The following PLOD2 variants were observed in gnomAD, a reference collection of about 807,000 sequenced individuals.
PLOD2 encodes lysine hydroxylase 2.
PLOD2 carries 65 observed loss-of-function variants against 101.0 expected under a neutral mutation model. That is an observed-to-expected ratio of 0.64 (90% CI 0.53 to 0.79). The LOEUF (loss-of-function observed/expected upper bound fraction) is 0.79. PLOD2 is among the 30% of genes least tolerant of loss of function. PLOD2 has a pLI of 0.00. For missense variants in PLOD2, 909 were observed against 914.6 expected, an observed-to-expected ratio of 0.99 and a Z score of 0.08; for synonymous variants, 314 against 302.9, an observed-to-expected ratio of 1.04 and a Z score of -0.38.
chr3:146,096,816 G>C (rs1334372202), intron 7 of PLOD2, among the ~76,000 whole-genome samples: 11 of 137,628 alleles, frequency 8.0e-5, no homozygotes, highest in Non-Finnish European at 1.7e-4. Flanking sequence ...TCCTCTGCCC[G>C]GCCGCCCCTA....
chr3:146,096,881 G>A (rs1270327574), intron 7 of PLOD2, among the ~76,000 whole-genome samples: 3 of 72,282 alleles, frequency 4.2e-5, no homozygotes, highest in Non-Finnish European at 8.8e-5. Flanking sequence ...GGAGGGAGGT[G>A]GGGGGGGGGA....
chr3:146,097,842 CAT>C (rs1436347396), intron 7 of PLOD2, among the ~76,000 whole-genome samples: 1 of 149,792 alleles, frequency 6.7e-6, no homozygotes, highest in Non-Finnish European at 1.5e-5. Flanking sequence ...GAAAATGTGG[CAT>C]ATATACACCA....
intron 1 of PLOD2, among the ~76,000 whole-genome samples, chr3:146,128,375 T>C (rs1384964331): frequency 2.0e-5 from 3 of 152,110 alleles, no homozygotes; most frequent in Non-Finnish European, 2.9e-5. Flanking sequence ...GTAACCTCTA[T>C]TGCCACCTTT....
chr3:146,100,043 G>A (rs1016636320), intron 7 of PLOD2, among the ~76,000 whole-genome samples: 2 of 151,782 alleles, frequency 1.3e-5, no homozygotes, highest in South Asian at 2.1e-4. Context: ...CACCAACCCC[G>A]GCTAATTTTG....
chr3:146,159,145 T>G (rs2032445818), intron 1 of PLOD2, among the ~76,000 whole-genome samples: 1 of 152,190 alleles, frequency 6.6e-6, no homozygotes, highest in South Asian at 2.1e-4. Context: ...CTATCACAAA[T>G]TAGTATTTTC....
Position 146,091,862 on chromosome 3 carries a change from A to G in PLOD2, c.817T>C (p.Trp273Arg). Reference sequence around the variant, plus strand: ...AGAGTGCAGCCATTATCCTGTGTCCATGAATTGGGTACATAGTTTCCAAAA... The same window carrying G: ...AGAGTGCAGCCATTATCCTGTGTCCGTGAATTGGGTACATAGTTTCCAAAA... ...NYFGNYVPNSWTQDNGCTLCE... is the reference protein window; with the variant it reads ...NYFGNYVPNSRTQDNGCTLCE... Residue 273 changes from tryptophan (W) to arginine (R), a missense_variant, in exon 8 of 20, where the codon TGG (tryptophan) becomes CGG (arginine). Coordinates refer to ENST00000282903, the MANE Select transcript of PLOD2 (RefSeq NM_182943.3). The G allele has an allele frequency of 6.2e-7, 1 of 1,606,772 alleles. No homozygotes were observed. The highest frequency in any genetic ancestry group is 1.1e-5 in the South Asian group (1 of 90,936).
rs1576597072 is a variant in PLOD2, at chr3:146,104,354, G to A, written c.616-12C>T. On this transcript the variant is annotated splice_polypyrimidine_tract_variant and intron_variant, in intron 5 of 19. Coordinates refer to ENST00000282903, the MANE Select transcript of PLOD2 (RefSeq NM_182943.3). ...ATGTTAATAGCTTCCTAAAACATAAGAATAGAAATGATATTGAAAATGACA... is the reference window on the plus strand; with the variant it reads ...ATGTTAATAGCTTCCTAAAACATAAAAATAGAAATGATATTGAAAATGACA... The A allele has an allele frequency of 2.2e-6, 3 of 1,335,986 alleles. No homozygotes were observed. Among genetic ancestry groups the A allele is most frequent in the Non-Finnish European group, 3.2e-6 (3 of 926,736 alleles). 82.8% of individuals were successfully genotyped at this position (1,335,986 alleles called of 1,614,324 possible). A position where few individuals can be genotyped will look rare whatever the true frequency, so the allele number is the denominator to read the frequency against.
chr3:146,134,143 A>C (rs2031092159), intron 1 of PLOD2, among the ~76,000 whole-genome samples: 1 of 152,222 alleles, frequency 6.6e-6, no homozygotes, highest in South Asian at 2.1e-4. Context: ...TTTTCTCTAT[A>C]TGATTTTAGT....
intron 1 of PLOD2, among the ~76,000 whole-genome samples, chr3:146,126,686 G>T (rs895930): frequency 1.3e-5 from 2 of 151,916 alleles, no homozygotes; most frequent in African/African-American, 4.8e-5. Context: ...TGTTAGTCAC[G>T]GACCTGAGTT....
intron 7 of PLOD2, among the ~76,000 whole-genome samples, chr3:146,092,485 G>GAA (rs1286974203): frequency 6.6e-6 from 1 of 152,074 alleles, no homozygotes; most frequent in Non-Finnish European, 1.5e-5. Flanking sequence ...CAGGAAAAGA[G>GAA]AGCTTGCAGA....
Position 146,088,697 on chromosome 3 carries a change from T to C in PLOD2, c.894A>G (p.Val298=), listed in dbSNP as rs376944144. 1.4e-5 allele frequency: 23 copies of C among 1,606,884 alleles called. No homozygotes were observed. Among genetic ancestry groups the C allele is most frequent in the Non-Finnish European group, 1.9e-5 (22 of 1,174,096 alleles). ...DLSAVDVHPN[V]SIGVFIEQPT... ...GTTGCTCAATAAAAACACCTATTGA[T>C]ACGTTTGGATGGACCTTTGTTTTAC... Residue 298 remains valine, a synonymous_variant, in exon 9 of 20, where the codon GTA becomes GTG. Transcript: ENST00000282903.
Position 146,138,016 on chromosome 3 carries a change from G to A in PLOD2, c.110-13787C>T, listed in dbSNP as rs547250216. Among the ~76,000 whole-genome samples, 42 of 152,190 alleles carry A rather than the reference G, an allele frequency of 2.8e-4. 1 individual carries two copies. The highest frequency in any genetic ancestry group is 1.9e-4 in the East Asian group (1 of 5,162). ...GCTAGTCAGAAATGGAGAGGGATTCGTGTTTTCATTATTCAAAAGACAGGA... is the reference window on the plus strand; with the variant it reads ...GCTAGTCAGAAATGGAGAGGGATTCATGTTTTCATTATTCAAAAGACAGGA... On this transcript the variant is annotated intron_variant, in intron 1 of 19. Coordinates refer to ENST00000282903, the MANE Select transcript of PLOD2 (RefSeq NM_182943.3).
At chr3:146,120,865 G>C (rs1190671362) in intron 3 of PLOD2, among the ~76,000 whole-genome samples, 1 of 151,946 alleles carries the variant, frequency 6.6e-6, no homozygotes, top group Non-Finnish European at 1.5e-5. Context: ...GTGATTACAG[G>C]CACCTGCCAC....
rs556009991 is a variant in PLOD2, at chr3:146,075,108, A to G, written c.1677+1674T>C. On this transcript the variant is annotated intron_variant, in intron 15 of 19. Coordinates refer to ENST00000282903, the MANE Select transcript of PLOD2 (RefSeq NM_182943.3). Reference sequence around the variant, plus strand: ...ATGGTGAAGTGAAATATGGAATTCTACCCTCACGACTAGAAAACACCTCTT... The same window carrying G: ...ATGGTGAAGTGAAATATGGAATTCTGCCCTCACGACTAGAAAACACCTCTT... Among the ~76,000 whole-genome samples, 3 of 151,756 alleles carry G rather than the reference A, an allele frequency of 2.0e-5. No individual in the cohort carries two copies. The South Asian group carries it at 6.2e-4, about 31-fold the overall frequency.
intron 1 of PLOD2, among the ~76,000 whole-genome samples, chr3:146,151,596 G>A (rs1454421436): frequency 6.6e-6 from 1 of 152,162 alleles, no homozygotes; most frequent in Admixed American, 6.5e-5. Flanking sequence ...CAAGGTTGGT[G>A]AGTGGAAGGA....
At chr3:146,073,383 A>G (rs1936220164) in intron 15 of PLOD2, 31 bp from the exon 16 acceptor site, 3 of 766,774 alleles carry the variant, frequency 3.9e-6, no homozygotes, top group Non-Finnish European at 6.5e-6. Flanking sequence ...TAAAACAAAT[A>G]TCTTTATAAA....
intron 1 of PLOD2, among the ~76,000 whole-genome samples, chr3:146,124,661 CA>C (rs1158851004): frequency 1.7e-5 from 1 of 58,978 alleles, no homozygotes; most frequent in East Asian, 6.0e-4. Context: ...TAATGACATA[CA>C]CAAAAAAAAC....
At chr3:146,099,529 T>C (rs1381750321) in intron 7 of PLOD2, among the ~76,000 whole-genome samples, 1 of 151,870 alleles carries the variant, frequency 6.6e-6, no homozygotes, top group East Asian at 1.9e-4. Context: ...GCCAAGTAGC[T>C]GAGATTACAA....
At chr3:146,143,267 C>T (rs2108128060) in intron 1 of PLOD2, among the ~76,000 whole-genome samples, 1 of 151,464 alleles carries the variant, frequency 6.6e-6, no homozygotes, top group South Asian at 2.1e-4. Flanking sequence ...ACCAGAGTAA[C>T]TCGTGTTTAC....
Sources: allele counts gnomAD v4.1 joint callset (sites outside exome capture counted in the v4.1 genomes callset), GRCh38; gene constraint gnomAD v4.1.1; transcripts MANE v1.5; gene names NCBI Gene and HGNC (gene_info 2026-07-23, HGNC 2026-07-21).